The following ACTR6 variants were observed in gnomAD, a reference collection of about 807,000 sequenced individuals.
ACTR6 encodes the protein actin-related protein 6.
ACTR6 carries 50 observed loss-of-function variants against 52.5 expected under a neutral mutation model. The observed-to-expected ratio is 0.95, with a 90% CI of 0.76 to 1.20. ACTR6 has a LOEUF of 1.20. ACTR6 is among the 50% of genes most tolerant of loss of function. The pLI is 0.00. For missense variants in ACTR6, 344 were observed against 472.4 expected (o/e 0.73, Z 2.52); for synonymous variants, 135 against 147.2 (o/e 0.92, Z 0.60).
intron 2 of ACTR6, 56 bp from the exon 3 acceptor site, chr12:100,205,620 T>A: frequency 9.4e-7 from 1 of 1,065,670 alleles, no homozygotes; most frequent in Non-Finnish European, 1.3e-6. Flanking sequence ...TATAATCTGA[T>A]TTTTAAAAAT....
intron 3 of ACTR6, 36 bp downstream of exon 3, chr12:100,205,780 C>A (rs772265819): frequency 8.4e-7 from 1 of 1,187,670 alleles, no homozygotes; most frequent in Non-Finnish European, 1.2e-6. Flanking sequence ...ATTCTATTTC[C>A]ATGTTTAATT....
intron 9 of ACTR6, 91 bp from the exon 10 acceptor site, chr12:100,219,917 C>T: frequency 7.3e-7 from 1 of 1,375,516 alleles, no homozygotes; most frequent in South Asian, 1.3e-5. Flanking sequence ...CTAATTGCTT[C>T]TTATCTGATC....
Position 100,223,987 on chromosome 12 carries a change from CTG to C in ACTR6, c.*76_*77del. On this transcript the variant is annotated 3_prime_UTR_variant, in exon 11 of 11. Coordinates refer to ENST00000188312, the MANE Select transcript of ACTR6 (RefSeq NM_022496.5). The stretch of plus-strand genomic sequence containing the variant: ...GTTCCTTTTAAAAGAGGTTAAGGAA[CTG>C]TGTTACCTTTTGTCCTAAGAAAAAG... 3 of 1,492,804 alleles carry C rather than the reference CTG, an allele frequency of 2.0e-6. No individual in the cohort carries two copies. The highest frequency in any genetic ancestry group is 2.7e-6 in the Non-Finnish European group (3 of 1,118,488). 92.5% of individuals were successfully genotyped at this position (1,492,804 alleles called of 1,614,324 possible). A position where few individuals can be genotyped will look rare whatever the true frequency, so the allele number is the denominator to read the frequency against.
chr12:100,200,924 G>C lies in ACTR6; in HGVS notation c.68+5G>C. 6.2e-7 allele frequency: 1 copy of C among 1,614,110 alleles called. No individual in the cohort carries two copies. Among genetic ancestry groups the C allele is most frequent in the Non-Finnish European group, 8.5e-7 (1 of 1,179,994 alleles). ...TTACAGCCATGAAAATGTGTCGTAA[G>C]TACTTTCTTTCTCCGAGGGACAAGA... On this transcript the variant is annotated splice_donor_5th_base_variant and intron_variant, in intron 1 of 10. Coordinates refer to ENST00000188312, the MANE Select transcript of ACTR6 (RefSeq NM_022496.5).
intron 1 of ACTR6, among the ~76,000 whole-genome samples, chr12:100,201,785 C>A (rs556375454): frequency 6.6e-6 from 1 of 152,266 alleles, no homozygotes; most frequent in Non-Finnish European, 1.5e-5. Context: ...CCACTCCCAG[C>A]GAATTTTTTG....
chr12:100,203,696 G>C (rs1310090316), intron 1 of ACTR6: 1 of 144,942 alleles, frequency 6.9e-6, no homozygotes, highest in Non-Finnish European at 1.5e-5. Flanking sequence ...TGTCGTCCAG[G>C]CTGGAATGCA....
chr12:100,205,518 A>G (rs925546462), intron 2 of ACTR6, 158 bp from the exon 3 acceptor site: 3 of 436,830 alleles, frequency 6.9e-6, no homozygotes, highest in Non-Finnish European at 1.2e-5. Flanking sequence ...TAAATTAAAA[A>G]AAAGAAATTC....
At chr12:100,201,397 G>A (rs942952268) in intron 1 of ACTR6, among the ~76,000 whole-genome samples, 2 of 152,160 alleles carry the variant, frequency 1.3e-5, no homozygotes, top group Admixed American at 6.5e-5. Context: ...TAGTTGGTAA[G>A]GTCAATTAAA....
At position 100,200,841 on chromosome 12, in the gene ACTR6, T is replaced by C; in HGVS notation, c.-11T>C. Reference sequence around the variant, plus strand: ...GAAAACAACTACGGCTGCGGTGTGGTTGGTGGTGAGATGACGACCTTAGTG... The same window carrying C: ...GAAAACAACTACGGCTGCGGTGTGGCTGGTGGTGAGATGACGACCTTAGTG... On this transcript the variant is annotated 5_prime_UTR_variant, in exon 1 of 11. Transcript: ENST00000188312. The C allele has an allele frequency of 5.6e-6, 9 of 1,613,850 alleles. No individual in the cohort carries two copies. Among genetic ancestry groups the C allele is most frequent in the Non-Finnish European group, 6.8e-6 (8 of 1,179,852 alleles).
chr12:100,215,972 G>A (rs1460308869), intron 8 of ACTR6, among the ~76,000 whole-genome samples: 1 of 152,162 alleles, frequency 6.6e-6, no homozygotes, highest in East Asian at 1.9e-4. Context: ...AAATAGGCCT[G>A]TAATATCATT....
chr12:100,203,887 G>C (rs569382839), intron 1 of ACTR6: 12 of 152,322 alleles, frequency 7.9e-5, no homozygotes, highest in South Asian at 6.2e-4. Flanking sequence ...CTGACCTCGT[G>C]ATCTGCCTGT....
At chr12:100,216,105 C>T (rs554891757) in intron 8 of ACTR6, among the ~76,000 whole-genome samples, 2 of 152,342 alleles carry the variant, frequency 1.3e-5, no homozygotes, top group South Asian at 2.1e-4. Context: ...TTACCACTTT[C>T]TGCAGAGCCA....
chr12:100,207,859 A>G, intron 4 of ACTR6, 73 bp downstream of exon 4: 1 of 1,518,812 alleles, frequency 6.6e-7, no homozygotes, highest in Middle Eastern at 1.8e-4. Context: ...ATAAAGTCCC[A>G]AAATATTAAG....
intron 8 of ACTR6, 38 bp downstream of exon 8, chr12:100,212,566 C>T: frequency 6.7e-7 from 1 of 1,502,048 alleles, no homozygotes; most frequent in Non-Finnish European, 9.3e-7. Flanking sequence ...GTTGCTGCGG[C>T]TCCTGTCTAT....
chr12:100,206,010 A>G (rs1034446507), intron 3 of ACTR6, among the ~76,000 whole-genome samples: 2 of 152,218 alleles, frequency 1.3e-5, no homozygotes. Context: ...TTTTGCTTAC[A>G]TATCTAAATA....
chr12:100,206,601 G>A (rs538441214), intron 3 of ACTR6, among the ~76,000 whole-genome samples: 73 of 151,690 alleles, frequency 4.8e-4, no homozygotes, highest in Non-Finnish European at 9.0e-4. Context: ...CAAGCAATCC[G>A]CCCAAGCGTG....
In ACTR6 at chr12:100,223,278, T is replaced by C. The variant is rs189669511; in HGVS notation, c.1062-508T>C. ...AACGTTTGAACCTGGGAGGCAGAGG[T>C]TGCAGTGAGCTGAGATCGTGCCACT... On this transcript the variant is annotated intron_variant, in intron 10 of 10. Transcript: ENST00000188312. Among the ~76,000 whole-genome samples the C allele has an allele frequency of 6.1e-3, 933 of 152,144 alleles. 9 individuals are homozygous for C. The highest frequency in any genetic ancestry group is 0.021 in the African/African-American group (877 of 41,496).
At chr12:100,220,361 A>G (rs2096127149) in intron 10 of ACTR6, among the ~76,000 whole-genome samples, 1 of 152,252 alleles carries the variant, frequency 6.6e-6, no homozygotes, top group African/African-American at 2.4e-5. Flanking sequence ...TGTTTCATAC[A>G]CAATGGGTGC....
At chr12:100,216,652 T>G (rs1438882549) in intron 8 of ACTR6, among the ~76,000 whole-genome samples, 2 of 152,220 alleles carry the variant, frequency 1.3e-5, no homozygotes, top group African/African-American at 4.8e-5. Flanking sequence ...TGCAACTATC[T>G]CAGGTTATTT....
Sources: gnomAD v4.1 joint callset for allele counts (sites outside exome capture counted in the v4.1 genomes callset) on GRCh38, gnomAD v4.1.1 for gene constraint, MANE v1.5 for transcripts, NCBI Gene and HGNC (gene_info 2026-07-23, HGNC 2026-07-21) for gene names.